Variants in GPC5 observed in about 807,000 individuals in gnomAD.
The protein encoded by GPC5 is glypican 5.
GPC5 carries 47 observed loss-of-function variants against 53.9 expected under a neutral mutation model. The observed-to-expected ratio is 0.87, with a 90% CI of 0.69 to 1.11. The LOEUF (loss-of-function observed/expected upper bound fraction) is 1.11, where lower values mean the gene tolerates loss of function less well. Among genes scored for constraint, GPC5 ranks in the 50% most tolerant of loss-of-function variants. GPC5 has a pLI of 0.00. For synonymous variants in GPC5, 286 were observed against 263.3 expected (o/e 1.09, Z -0.84); for missense variants, 748 against 713.1 (o/e 1.05, Z -0.56).
At chr13:92,089,733 T>G (rs576626710) in intron 6 of GPC5, among the ~76,000 whole-genome samples, 155 of 152,258 alleles carry the variant, frequency 1.0e-3, no homozygotes, top group Non-Finnish European at 2.0e-3. Flanking sequence ...TTTAACTATT[T>G]AAGATTAGTT....
intron 2 of GPC5, among the ~76,000 whole-genome samples, chr13:91,460,352 C>T (rs1413392469): frequency 6.6e-6 from 1 of 151,318 alleles, no homozygotes; most frequent in East Asian, 1.9e-4. Context: ...GCCTGGAGTA[C>T]AGTGGCGTGG....
At chr13:91,618,917 A>G in intron 2 of GPC5, among the ~76,000 whole-genome samples, 1 of 152,130 alleles carries the variant, frequency 6.6e-6, no homozygotes, top group Admixed American at 6.6e-5. Flanking sequence ...ATAGCAAAAC[A>G]AACAAATAAA....
At chr13:92,748,437 A>G (rs1889295563) in intron 7 of GPC5, among the ~76,000 whole-genome samples, 1 of 151,354 alleles carries the variant, frequency 6.6e-6, no homozygotes, top group Non-Finnish European at 1.5e-5. Context: ...AGGTTAAGCA[A>G]TTCTCTGCCT....
intron 6 of GPC5, among the ~76,000 whole-genome samples, chr13:92,108,030 G>A (rs1162502910): frequency 1.3e-5 from 2 of 152,130 alleles, no homozygotes; most frequent in South Asian, 4.1e-4. Flanking sequence ...TAAGAGAGAA[G>A]TCTCCTTTTT....
chr13:92,398,963 C>T (rs183131911), intron 7 of GPC5, among the ~76,000 whole-genome samples: 6 of 152,238 alleles, frequency 3.9e-5, no homozygotes, highest in African/African-American at 1.4e-4. Context: ...TCCCAGTAGC[C>T]TCTCATTTAC....
chr13:92,142,895 G>A (rs1389715727), intron 6 of GPC5, among the ~76,000 whole-genome samples: 2 of 152,118 alleles, frequency 1.3e-5, no homozygotes, highest in Non-Finnish European at 2.9e-5. Context: ...GTACTTGTCT[G>A]ATAATACTTT....
intron 2 of GPC5, among the ~76,000 whole-genome samples, chr13:91,579,618 CTTTTTCTTTTTTTT>C (rs1566524313): frequency 8.3e-6 from 1 of 120,182 alleles, no homozygotes; most frequent in Non-Finnish European, 1.7e-5. Flanking sequence ...CTTTCTTTTT[CTTTTTCTTTTTTTT>C]TTTTTTTTTT....
intron 2 of GPC5, among the ~76,000 whole-genome samples, chr13:91,631,626 C>T (rs536135148): frequency 1.3e-5 from 2 of 152,166 alleles, no homozygotes; most frequent in Admixed American, 6.6e-5. Flanking sequence ...GTAGGCAACG[C>T]TCAAAGGGAG....
In GPC5 at chr13:91,921,258, T is replaced by A. The variant is rs2039711385; in HGVS notation, c.1401+13201T>A. On this transcript the variant is annotated intron_variant, in intron 6 of 7. Coordinates refer to ENST00000377067, the MANE Select transcript of GPC5 (RefSeq NM_004466.6). ...GGACCAATTTTATTTTCTGTAAACC[T>A]TTTGTATAGAGCTGCTGACAAAAGG... Among the ~76,000 whole-genome samples, 6 of 152,198 alleles carry A rather than the reference T, an allele frequency of 3.9e-5. No homozygotes were observed. The South Asian group carries it at 1.2e-3, about 32-fold the overall frequency.
chr13:92,587,468 G>T lies in GPC5; in HGVS notation c.1562-278814G>T, dbSNP rs139530084. Among the ~76,000 whole-genome samples, 650 of 152,164 alleles carry T rather than the reference G, an allele frequency of 4.3e-3. 3 individuals carry two copies. Among genetic ancestry groups the T allele is most frequent in the African/African-American group, 0.015 (615 of 41,528 alleles). ...CTTAATCGTCTGTCTCCAAAGTGAG[G>T]ATGGTTTTTATTATACCACCCCATT... On this transcript the variant is annotated intron_variant, in intron 7 of 7. Transcript: ENST00000377067.
intron 7 of GPC5, among the ~76,000 whole-genome samples, chr13:92,501,328 A>G (rs955300324): frequency 6.6e-6 from 1 of 152,190 alleles, no homozygotes; most frequent in Non-Finnish European, 1.5e-5. Flanking sequence ...GGATAGGCAC[A>G]ATCACAGGAT....
chr13:92,135,744 A>G (rs769717986), intron 6 of GPC5, among the ~76,000 whole-genome samples: 22 of 152,224 alleles, frequency 1.4e-4, no homozygotes, highest in Non-Finnish European at 2.9e-4. Flanking sequence ...CTTTCAAATT[A>G]CTGGCACAAC....
intron 4 of GPC5, among the ~76,000 whole-genome samples, chr13:91,753,905 C>A (rs567911928): frequency 1.3e-5 from 2 of 152,222 alleles, no homozygotes; most frequent in African/African-American, 4.8e-5. Flanking sequence ...AGGTTTTCCC[C>A]AAAATGTGTG....
intron 6 of GPC5, among the ~76,000 whole-genome samples, chr13:92,057,236 G>A (rs185725140): frequency 1.8e-4 from 27 of 152,292 alleles, no homozygotes; most frequent in Admixed American, 1.4e-3. Context: ...AAGAGAGGAA[G>A]CTCAAGGTAG....
chr13:92,499,549 G>A (rs12583960), intron 7 of GPC5, among the ~76,000 whole-genome samples: 48,520 of 151,978 alleles, frequency 0.32, 8,856 homozygotes, highest in East Asian at 0.68. Context: ...GAGACATGAA[G>A]AAGGCTGTGT....
chr13:91,501,648 T>A (rs1289183230), intron 2 of GPC5, among the ~76,000 whole-genome samples: 1 of 152,200 alleles, frequency 6.6e-6, no homozygotes, highest in Non-Finnish European at 1.5e-5. Flanking sequence ...TCTATCATTG[T>A]TGGACATTTG....
chr13:91,645,871 G>C (rs1373437947), intron 2 of GPC5, among the ~76,000 whole-genome samples: 1 of 152,192 alleles, frequency 6.6e-6, no homozygotes, highest in Non-Finnish European at 1.5e-5. Context: ...CTTCTGACAA[G>C]TCCTCTGGTA....
chr13:92,001,153 T>C (rs2040550640), intron 6 of GPC5, among the ~76,000 whole-genome samples: 1 of 152,190 alleles, frequency 6.6e-6, no homozygotes, highest in African/African-American at 2.4e-5. Flanking sequence ...AGCAAAGACA[T>C]TGAGGGTGAA....
intron 3 of GPC5, among the ~76,000 whole-genome samples, chr13:91,701,170 A>T (rs1252032496): frequency 6.6e-6 from 1 of 152,182 alleles, no homozygotes; most frequent in Non-Finnish European, 1.5e-5. Context: ...AATCAAGCTA[A>T]TTAAGATATC....
Sources: allele counts gnomAD v4.1 joint callset (sites outside exome capture counted in the v4.1 genomes callset), GRCh38; gene constraint gnomAD v4.1.1; transcripts MANE v1.5; gene names NCBI Gene and HGNC (gene_info 2026-07-23, HGNC 2026-07-21).